IL27RA: variants seen among roughly 807,000 people sequenced by gnomAD.
The protein encoded by IL27RA is interleukin 27 receptor subunit alpha, also known as interleukin-27 receptor subunit alpha.
IL27RA carries 61 observed loss-of-function variants against 80.8 expected under a neutral mutation model. The observed-to-expected ratio is 0.76, with a 90% CI of 0.61 to 0.93. The LOEUF (loss-of-function observed/expected upper bound fraction) is 0.93, where lower values mean the gene tolerates loss of function less well. Among genes scored for constraint, IL27RA ranks in the 40% least tolerant of loss-of-function variants. The probability of loss-of-function intolerance (pLI) is 0.00; values close to 1 mark genes in which losing one functional copy is unlikely to be tolerated. For synonymous variants in IL27RA, 316 were observed against 332.5 expected, an observed-to-expected ratio of 0.95 and a Z score of 0.54; for missense variants, 735 against 808.1, an observed-to-expected ratio of 0.91 and a Z score of 1.10.
chr19:14,048,597 C>G (rs1413612413), intron 8 of IL27RA, among the ~76,000 whole-genome samples: 1 of 152,166 alleles, frequency 6.6e-6, no homozygotes, highest in Non-Finnish European at 1.5e-5. Context: ...GTCACTGAGG[C>G]ATTTTGCCTG....
At position 14,042,542 on chromosome 19, in the gene IL27RA, C is replaced by T; in HGVS notation, c.624C>T (p.Cys208=). 1 of 1,614,180 alleles carries T rather than the reference C, an allele frequency of 6.2e-7. No individual in the cohort carries two copies. The highest frequency in any genetic ancestry group is 1.1e-5 in the South Asian group (1 of 91,076). ...CTGGCTACAAAGTGTATGGCCGCTGCCGGATGGAGAAAGAAGAGGATTTGT... is the reference window on the plus strand; with the variant it reads ...CTGGCTACAAAGTGTATGGCCGCTGTCGGATGGAGAAAGAAGAGGATTTGT... ...LATGYKVYGR[C]RMEKEEDLWG... Residue 208 remains cysteine, a synonymous_variant, in exon 5 of 14, where the codon TGC becomes TGT. Transcript: ENST00000263379.
In IL27RA at chr19:14,053,166, G is replaced by A. The variant is rs1976212229; in HGVS notation, c.*876G>A. On this transcript the variant is annotated 3_prime_UTR_variant, in exon 14 of 14. Transcript: ENST00000263379. ...TGAAAAGGAACCTGAATCCCTGAAT[G>A]ACTGCATGGATAGAACCACTAAGAA... 6.5e-6 allele frequency: 1 copy of A among 154,634 alleles called. No homozygotes were observed. The highest frequency in any genetic ancestry group is 1.4e-5 in the Non-Finnish European group (1 of 69,862). The allele number at this position is 154,634 out of a possible 1,614,324, so 9.6% of individuals were successfully genotyped here. A position where few individuals can be genotyped will look rare whatever the true frequency, so the allele number is the denominator to read the frequency against.
At chr19:14,045,908 C>T (rs1395614284) in intron 6 of IL27RA, among the ~76,000 whole-genome samples, 1 of 151,966 alleles carries the variant, frequency 6.6e-6, no homozygotes, top group African/African-American at 2.4e-5. Flanking sequence ...GCCTGTAATC[C>T]CAGCTACTCA....
chr19:14,052,598 G>A lies in IL27RA; in HGVS notation c.*308G>A, dbSNP rs558232308. On this transcript the variant is annotated 3_prime_UTR_variant, in exon 14 of 14. Coordinates refer to ENST00000263379, the MANE Select transcript of IL27RA (RefSeq NM_004843.4). ...ACTGAATTTGGACCCCAGCACAGTG[G>A]CTCACGCCTGTAATCCCAGCACTTT... The A allele has an allele frequency of 6.4e-5, 18 of 280,804 alleles. No homozygotes were observed. The highest frequency in any genetic ancestry group is 3.7e-4 in the African/African-American group (17 of 45,702). 17.4% of individuals were successfully genotyped at this position (280,804 alleles called of 1,614,324 possible).
intron 10 of IL27RA, among the ~76,000 whole-genome samples, chr19:14,050,040 T>G (rs1438934590): frequency 6.6e-6 from 1 of 151,180 alleles, no homozygotes; most frequent in Non-Finnish European, 1.5e-5. Context: ...AATACAAAAA[T>G]TAGCCAGGCA....
chr19:14,045,701 TG>T (rs1976054477), intron 6 of IL27RA, among the ~76,000 whole-genome samples: 1 of 151,988 alleles, frequency 6.6e-6, no homozygotes, highest in South Asian at 2.1e-4. Context: ...TCTCACTTAT[TG>T]GGTTTTTGGT....
intron 6 of IL27RA, among the ~76,000 whole-genome samples, chr19:14,044,651 G>T (rs754703798): frequency 1.1e-4 from 17 of 152,012 alleles, no homozygotes; most frequent in Non-Finnish European, 2.4e-4. Flanking sequence ...GCAGGGTAGG[G>T]TCACACAGGT....
chr19:14,044,711 G>A (rs1273767988), intron 6 of IL27RA, among the ~76,000 whole-genome samples: 1 of 151,926 alleles, frequency 6.6e-6, no homozygotes. Flanking sequence ...TTTGGACCGA[G>A]TGGGTGGCTC....
chr19:14,032,820 AAAAAAAG>A lies in IL27RA; in HGVS notation c.218+322_218+328del, dbSNP rs1275366198. On this transcript the variant is annotated intron_variant, in intron 2 of 13. Coordinates refer to ENST00000263379, the MANE Select transcript of IL27RA (RefSeq NM_004843.4). Reference sequence around the variant, plus strand: ...GACTCTGTCTCAAAAAAAAAAAAAAAAAAAAAGAAAAGAAAAGAAAAGAAAGTCCCAG... The same window carrying A: ...GACTCTGTCTCAAAAAAAAAAAAAAAAAAAGAAAAGAAAAGAAAGTCCCAG... Among the ~76,000 whole-genome samples, 586 of 145,562 alleles carry A rather than the reference AAAAAAAG, an allele frequency of 4.0e-3. 1 individual carries two copies. Among genetic ancestry groups the A allele is most frequent in the Non-Finnish European group, 5.7e-3 (381 of 66,274 alleles).
rs147916440 is a variant in IL27RA at position 14,037,453 on chromosome 19, C to T, written c.219-2055C>T. ...TATTTTTAGTAGAGATGGGGTTTCA[C>T]GATGTTGTCCAGGCTGGTCTCCAAC... On this transcript the variant is annotated intron_variant, in intron 2 of 13. Coordinates refer to ENST00000263379, the MANE Select transcript of IL27RA (RefSeq NM_004843.4). Among the ~76,000 whole-genome samples the T allele has an allele frequency of 2.4e-4, 37 of 151,654 alleles. No homozygotes were observed. In the East Asian group the frequency reaches 6.9e-3, roughly 28 times the overall value.
intron 2 of IL27RA, among the ~76,000 whole-genome samples, chr19:14,037,380 A>G (rs1369807582): frequency 6.6e-5 from 10 of 151,372 alleles, no homozygotes; most frequent in African/African-American, 2.4e-4. Context: ...CCTGCCTCCC[A>G]AGTAGCTGGG....
intron 6 of IL27RA, among the ~76,000 whole-genome samples, chr19:14,045,366 G>T (rs1473390377): frequency 6.6e-6 from 1 of 151,356 alleles, no homozygotes; most frequent in African/African-American, 2.4e-5. Flanking sequence ...GAGACGGGCG[G>T]ATTTTTTTTT....
chr19:14,051,540 T>G (rs1156956644), intron 11 of IL27RA, 67 bp from the exon 12 acceptor site: 1 of 947,530 alleles, frequency 1.1e-6, no homozygotes, highest in Non-Finnish European at 1.5e-6. Context: ...AGACTCTGTC[T>G]CAAAAATAAA....
intron 2 of IL27RA, among the ~76,000 whole-genome samples, chr19:14,033,497 G>A (rs191714637): frequency 1.1e-4 from 16 of 152,154 alleles, no homozygotes; most frequent in African/African-American, 3.4e-4. Context: ...TTGAGAGGCC[G>A]AGGTGGGCAG....
rs113025720 is a variant in IL27RA, at chr19:14,041,092, G to A, written c.534+1182G>A. Reference sequence around the variant, plus strand: ...CTCATTTTGTATTTTCAGTAGAGACGGGGTTTCTCCATGTTGGTCAGGCTG... The same window carrying A: ...CTCATTTTGTATTTTCAGTAGAGACAGGGTTTCTCCATGTTGGTCAGGCTG... On this transcript the variant is annotated intron_variant, in intron 4 of 13. Transcript: ENST00000263379. Among the ~76,000 whole-genome samples, 929 of 151,696 alleles carry A rather than the reference G, an allele frequency of 6.1e-3. 7 individuals are homozygous for A. The highest frequency in any genetic ancestry group is 9.2e-3 in the Non-Finnish European group (624 of 67,930).
rs117447973 is a variant in IL27RA at position 14,034,371 on chromosome 19, C to T, written c.218+1868C>T. Among the ~76,000 whole-genome samples the T allele has an allele frequency of 7.4e-3, 1,125 of 151,834 alleles. 53 individuals are homozygous for T. Among genetic ancestry groups the T allele is most frequent in the Admixed American group, 0.061 (927 of 15,200 alleles). On this transcript the variant is annotated intron_variant, in intron 2 of 13. Coordinates refer to ENST00000263379, the MANE Select transcript of IL27RA (RefSeq NM_004843.4). ...TTTTAATATTAATGGTTAAAATACA[C>T]ACAACAGGCCCTACACGGTGGCTCA...
At chr19:14,035,508 G>A (rs534758584) in intron 2 of IL27RA, among the ~76,000 whole-genome samples, 2 of 152,038 alleles carry the variant, frequency 1.3e-5, no homozygotes, top group East Asian at 3.9e-4. Flanking sequence ...CAATTCTCCT[G>A]CCTCAGCCTC....
At chr19:14,051,578 T>C (rs1259651623) in intron 11 of IL27RA, 29 bp from the exon 12 acceptor site, 1 of 1,225,994 alleles carries the variant, frequency 8.2e-7, no homozygotes, top group Non-Finnish European at 1.1e-6. Context: ...AATAAAAAAT[T>C]AAGAATGATC....
At position 14,039,816 on chromosome 19, in the gene IL27RA, C is replaced by A; in HGVS notation, c.440C>A (p.Ala147Asp). ...VDFSEDDPLE[A>D]TVHWAPPTWP... ...TTTTCCGAGGATGACCCCCTGGAGG[C>A]CACTGTCCATTGGGCCCCACCTACA... The change falls in exon 4 of 14, where the codon GCC (alanine) becomes GAC (aspartate). Residue 147 changes from alanine (A) to aspartate (D), a missense_variant. Coordinates refer to ENST00000263379, the MANE Select transcript of IL27RA (RefSeq NM_004843.4). 1 of 1,614,168 alleles carries A rather than the reference C, an allele frequency of 6.2e-7. No individual in the cohort carries two copies. The highest frequency in any genetic ancestry group is 8.5e-7 in the Non-Finnish European group (1 of 1,180,028).
Sources: gnomAD v4.1 joint callset for allele counts (sites outside exome capture counted in the v4.1 genomes callset) on GRCh38, gnomAD v4.1.1 for gene constraint, MANE v1.5 for transcripts, NCBI Gene and HGNC (gene_info 2026-07-23, HGNC 2026-07-21) for gene names.